The following IGSF22 variants were observed in gnomAD, a reference collection of about 807,000 sequenced individuals.
IGSF22 encodes immunoglobulin superfamily, member 22.
A neutral mutation model predicts 127.0 loss-of-function variants in IGSF22; 119 were observed. That is an observed-to-expected ratio of 0.94 (90% CI 0.81 to 1.09). The LOEUF (loss-of-function observed/expected upper bound fraction) is 1.09, where lower values mean the gene tolerates loss of function less well. IGSF22 is among the 50% of genes least tolerant of loss of function. IGSF22 has a pLI of 0.00. For missense variants in IGSF22, 1,518 were observed against 1,716.6 expected, an observed-to-expected ratio of 0.88 and a Z score of 2.04; for synonymous variants, 568 against 664.7, an observed-to-expected ratio of 0.85 and a Z score of 2.24.
At chr11:18,722,153 G>C in intron 2 of IGSF22, 112 bp from the exon 3 acceptor site, 1 of 1,298,502 alleles carries the variant, frequency 7.7e-7, no homozygotes, top group Admixed American at 1.8e-5. Context: ...AGAGCATTTA[G>C]GGAAGTGGGA....
At position 18,709,669 on chromosome 11, in the gene IGSF22, C is replaced by A. The variant is rs1281410099; in HGVS notation, c.2716G>T (p.Val906Phe). 6.2e-7 allele frequency: 1 copy of A among 1,613,876 alleles called. No individual in the cohort carries two copies. The highest frequency in any genetic ancestry group is 1.7e-4 in the Middle Eastern group (1 of 6,060). The change falls in exon 18 of 23, where the codon GTC becomes TTC. Residue 906 changes from valine to phenylalanine, a missense_variant. Transcript: ENST00000513874. This position sits in a 1 kb window ranked among gnomAD's most constrained non-coding sequence, Gnocchi z 4.8. ...GAATCAGATACATGCAGGTCCTGGA[C>A]CAGGCCTGGGGGTTCTGGGGTAGAA... Reference protein sequence around the residue: ...AKDPVKPPGLVQDLHVSDSSN... With the variant: ...AKDPVKPPGLFQDLHVSDSSN...
intron 20 of IGSF22, among the ~76,000 whole-genome samples, 163 bp downstream of exon 20, chr11:18,707,641 C>T (rs1026029929): frequency 6.6e-6 from 1 of 152,138 alleles, no homozygotes; most frequent in East Asian, 1.9e-4. Context: ...CTCTCTCTGC[C>T]GACCATACTC....
At chr11:18,715,389 G>A in intron 11 of IGSF22, 43 bp downstream of exon 11, 2 of 1,571,808 alleles carry the variant, frequency 1.3e-6, no homozygotes, top group Non-Finnish European at 1.7e-6. Flanking sequence ...GAATGCCAGG[G>A]TCAGGGGGAT....
intron 21 of IGSF22, chr11:18,706,460 C>T (rs1367964022): frequency 8.9e-6 from 4 of 450,934 alleles, no homozygotes; most frequent in Non-Finnish European, 8.0e-6. Context: ...TTTAACTCCG[C>T]CTCCAAGCTT....
rs2063593570 is a variant in IGSF22 at position 18,718,156 on chromosome 11, C to G, written c.811-63G>C. 3 of 1,527,610 alleles carry G rather than the reference C, an allele frequency of 2.0e-6. No individual in the cohort carries two copies. The African/African-American group carries it at 4.1e-5, about 21-fold the overall frequency. 94.6% of individuals were successfully genotyped at this position (1,527,610 alleles called of 1,614,324 possible). A position where few individuals can be genotyped will look rare whatever the true frequency, so the allele number is the denominator to read the frequency against. On this transcript the variant is annotated intron_variant, in intron 8 of 22. Coordinates refer to ENST00000513874, the MANE Select transcript of IGSF22 (RefSeq NM_173588.4). ...TTTAGGAGGAAGCTTCCAGAGGTCT[C>G]CATTCCCCAGCGCCAGCCTAAGCTG...
rs371511434 is a variant in IGSF22 at position 18,715,660 on chromosome 11, G to T, written c.1303C>A (p.Arg435Ser). The T allele has an allele frequency of 6.2e-7, 1 of 1,613,744 alleles. No homozygotes were observed. Among genetic ancestry groups the T allele is most frequent in the South Asian group, 1.1e-5 (1 of 91,070 alleles). The change falls in exon 11 of 23, where the codon CGC becomes AGC. Residue 435 changes from arginine (R) to serine (S), a missense_variant. Physicochemically the swap from Arg to Ser is moderately radical, Grantham distance 110 (BLOSUM62 -1). Transcript: ENST00000513874. ...GTCAGCTCACACTCCAGGCATGCGC[G>T]ACTCCTCTCTTTCACACGTACATTT... Reference protein sequence around the residue: ...LKNVRVKERSRACLECELTSK... With the variant: ...LKNVRVKERSSACLECELTSK...
Position 18,707,977 on chromosome 11 carries a change from A to G in IGSF22, c.3107T>C (p.Val1036Ala). 1 of 1,614,050 alleles carries G rather than the reference A, an allele frequency of 6.2e-7. No homozygotes were observed. Among genetic ancestry groups the G allele is most frequent in the Non-Finnish European group, 8.5e-7 (1 of 1,179,960 alleles). ...AAFSGSPPPD[V>A]IWQKDGVPTK... ...GGGAACGCCATCTTTCTGCCAGATC[A>G]CGTCAGGTGGTGGTGAGCCCTGAGT... Residue 1036 changes from valine (V) to alanine (A), a missense_variant, in exon 20 of 23, where the codon GTG becomes GCG. Val to Ala is a moderately conservative substitution (Grantham distance 64). Coordinates refer to ENST00000513874, the MANE Select transcript of IGSF22 (RefSeq NM_173588.4).
At position 18,705,954 on chromosome 11, in the gene IGSF22, T is replaced by C. The variant is rs1590432604; in HGVS notation, c.3773A>G (p.Lys1258Arg). 1 of 1,551,750 alleles carries C rather than the reference T, an allele frequency of 6.4e-7. No homozygotes were observed. The highest frequency in any genetic ancestry group is 1.2e-5 in the South Asian group (1 of 84,064). ...GCCGCTGGTGGAGTTGTACCAGAAC[T>C]TGGAGTTGGCCGTGATGTTGACGTC... is the stretch of plus-strand genomic sequence containing the variant. ...KGDVNITANSKFWYNSTSGVC... is the reference protein window; with the variant it reads ...KGDVNITANSRFWYNSTSGVC... Residue 1258 changes from lysine to arginine, a missense_variant, in exon 22 of 23, where the codon AAG becomes AGG. Lys to Arg is a conservative substitution (Grantham distance 26). This residue lies in a region of IGSF22 where 1,456 missense variants were observed against 1,644.9 expected (regional missense o/e 0.89). Transcript: ENST00000513874.
Position 18,710,744 on chromosome 11 carries a change from T to G in IGSF22, c.2483A>C (p.Asp828Ala), listed in dbSNP as rs759329865. 9 of 1,614,056 alleles carry G rather than the reference T, an allele frequency of 5.6e-6. No homozygotes were observed. The highest frequency in any genetic ancestry group is 2.7e-5 in the African/African-American group (2 of 74,930). ...GTAGCCGAGCACTGGGGCTCCCCCA[T>G]CCTGGGTAGGGGCATTCCACGTGAT... ...VTITWNAPTQ[D>A]GGAPVLGYIV... Residue 828 changes from aspartate to alanine, a missense_variant, in exon 16 of 23, where the codon GAT becomes GCT. Physicochemically the swap from Asp to Ala is moderately radical, Grantham distance 126. Transcript: ENST00000513874.
chr11:18,724,578 C>T (rs541361819), intron 1 of IGSF22, among the ~76,000 whole-genome samples: 3 of 152,264 alleles, frequency 2.0e-5, no homozygotes, highest in East Asian at 3.9e-4. Flanking sequence ...TTGATAGCTA[C>T]ATGGCACTAA....
In IGSF22 at chr11:18,705,928, C is replaced by A. The variant is rs1015975738; in HGVS notation, c.3799G>T (p.Val1267Leu). 6.4e-7 allele frequency: 1 copy of A among 1,551,734 alleles called. No homozygotes were observed. Among genetic ancestry groups the A allele is most frequent in the Non-Finnish European group, 8.7e-7 (1 of 1,146,994 alleles). ...CAGGTGGGGATGACGAGGGTGCACACGCCGCTGGTGGAGTTGTACCAGAAC... is the reference window on the plus strand; with the variant it reads ...CAGGTGGGGATGACGAGGGTGCACAAGCCGCTGGTGGAGTTGTACCAGAAC... ...SKFWYNSTSG[V>L]CTLVIPTCTL... Residue 1267 changes from valine to leucine, a missense_variant, in exon 22 of 23, where the codon GTG becomes TTG. By Grantham distance (32) the Val-to-Leu change is conservative (BLOSUM62 1). Transcript: ENST00000513874.
Position 18,714,344 on chromosome 11 carries a change from A to G in IGSF22, c.1731T>C (p.Pro577=), listed in dbSNP as rs376923694. The G allele has an allele frequency of 9.0e-5, 145 of 1,614,092 alleles. No homozygotes were observed. Among genetic ancestry groups the G allele is most frequent in the Admixed American group, 8.7e-4 (52 of 60,012 alleles). Residue 577 remains proline, a synonymous_variant, in exon 13 of 23, where the codon CCT becomes CCC. Transcript: ENST00000513874. ...VHKLIFPSMG[P]EHEGKYTFRA... The stretch of plus-strand genomic sequence containing the variant: ...GGAATGTGTACTTGCCCTCGTGCTC[A>G]GGGCCCATACTGGGAAAGATGAGCT...
At chr11:18,722,920 G>A (rs561849520) in intron 2 of IGSF22, among the ~76,000 whole-genome samples, 1 of 152,354 alleles carries the variant, frequency 6.6e-6, no homozygotes, top group East Asian at 1.9e-4. Context: ...GCCTGCAGAT[G>A]TCTTTTATGT....
At position 18,720,107 on chromosome 11, in the gene IGSF22, A is replaced by G; in HGVS notation, c.479-4T>C. On this transcript the variant is annotated splice_polypyrimidine_tract_variant and splice_region_variant and intron_variant, in intron 5 of 22. Coordinates refer to ENST00000513874, the MANE Select transcript of IGSF22 (RefSeq NM_173588.4). ...TTGAAGTCCATTTTCTCTTGACCTG[A>G]GGATAGACAGAGGGACAGGTTCAGA... The G allele has an allele frequency of 6.2e-7, 1 of 1,614,132 alleles. No homozygotes were observed. The highest frequency in any genetic ancestry group is 8.5e-7 in the Non-Finnish European group (1 of 1,180,012).
chr11:18,710,546 T>C, intron 16 of IGSF22, 91 bp from the exon 17 acceptor site: 1 of 1,588,118 alleles, frequency 6.3e-7, no homozygotes, highest in Non-Finnish European at 8.6e-7. Flanking sequence ...TCATGGGATG[T>C]TGTTAAAACT....
Position 18,709,619 on chromosome 11 carries a change from G to A in IGSF22, c.2766C>T (p.Ala922=), listed in dbSNP as rs1250375719. 6.2e-7 allele frequency: 1 copy of A among 1,614,068 alleles called. No individual in the cohort carries two copies. Among genetic ancestry groups the A allele is most frequent in the Non-Finnish European group, 8.5e-7 (1 of 1,180,054 alleles). ...GGTCTCCCTCTGCAGGCTCCCGCCAGGCCAGGGAAATGCTGGAGTTGGAGG... is the reference window on the plus strand; with the variant it reads ...GGTCTCCCTCTGCAGGCTCCCGCCAAGCCAGGGAAATGCTGGAGTTGGAGG... The part of the protein sequence containing the change: ...SDSSNSSISL[A]WREPAEGDPP... The change falls in exon 18 of 23, where the codon GCC becomes GCT. Residue 922 remains alanine, a synonymous_variant. Transcript: ENST00000513874. This position sits in a 1 kb window ranked among gnomAD's most constrained non-coding sequence, Gnocchi z 4.8.
In IGSF22 at chr11:18,716,853, T is replaced by G. The variant is rs1848472118; in HGVS notation, c.1121A>C (p.Glu374Ala). ...CAGACCATCTTCGGACACCGTGATTTCATACTTGTCATCCCTCTTCAGCTC... is the reference window on the plus strand; with the variant it reads ...CAGACCATCTTCGGACACCGTGATTGCATACTTGTCATCCCTCTTCAGCTC... The part of the protein sequence containing the change: ...GKELKRDDKY[E>A]ITVSEDGLTH... Residue 374 changes from glutamate (E) to alanine (A), a missense_variant, in exon 10 of 23, where the codon GAA becomes GCA. By Grantham distance (107) the Glu-to-Ala change is moderately radical. Coordinates refer to ENST00000513874, the MANE Select transcript of IGSF22 (RefSeq NM_173588.4). The surrounding 1 kb of genome is among the most constrained non-coding windows in gnomAD (Gnocchi z 4.5). The G allele has an allele frequency of 6.2e-7, 1 of 1,614,204 alleles. No homozygotes were observed. Among genetic ancestry groups the G allele is most frequent in the East Asian group, 2.2e-5 (1 of 44,882 alleles).
chr11:18,707,058 C>T lies in IGSF22; in HGVS notation c.3436G>A (p.Ala1146Thr). 6.4e-7 allele frequency: 1 copy of T among 1,551,734 alleles called. No homozygotes were observed. Among genetic ancestry groups the T allele is most frequent in the East Asian group, 2.4e-5 (1 of 40,926 alleles). Reference protein sequence around the residue: ...DASTATWYTAAERVFSNKYTV... With the variant: ...DASTATWYTATERVFSNKYTV... Reference sequence around the variant, plus strand: ...TACTTGTTGCTGAAGACACGCTCGGCTGCCGTGTACCAGGTGGCTGTGCTT... The same window carrying T: ...TACTTGTTGCTGAAGACACGCTCGGTTGCCGTGTACCAGGTGGCTGTGCTT... Residue 1146 changes from alanine to threonine, a missense_variant, in exon 21 of 23, where the codon GCC becomes ACC. Physicochemically the swap from Ala to Thr is moderately conservative, Grantham distance 58. Coordinates refer to ENST00000513874, the MANE Select transcript of IGSF22 (RefSeq NM_173588.4).
At position 18,709,476 on chromosome 11, in the gene IGSF22, T is replaced by A. The variant is rs1209298010; in HGVS notation, c.2909A>T (p.Lys970Ile). The A allele has an allele frequency of 6.2e-7, 1 of 1,614,116 alleles. No homozygotes were observed. The highest frequency in any genetic ancestry group is 2.2e-5 in the East Asian group (1 of 44,870). Residue 970 changes from lysine (K) to isoleucine (I), a missense_variant, in exon 18 of 23, where the codon AAA becomes ATA. Physicochemically the swap from Lys to Ile is moderately radical, Grantham distance 102 (BLOSUM62 -3). Coordinates refer to ENST00000513874, the MANE Select transcript of IGSF22 (RefSeq NM_173588.4). This position sits in a 1 kb window ranked among gnomAD's most constrained non-coding sequence, Gnocchi z 4.8. ...YTVGGLIERQ[K>I]YFFRIRAVNE... ...CACAGCCCGGATTCGGAAGAAGTAT[T>A]TCTGCCTCTCGATGAGTCCTCCCAC...
Sources: allele counts gnomAD v4.1 joint callset (sites outside exome capture counted in the v4.1 genomes callset), GRCh38; gene constraint gnomAD v4.1.1; regional missense constraint gnomAD v4.1.1; non-coding constraint Gnocchi (gnomAD v3.1); transcripts MANE v1.5; gene names NCBI Gene and HGNC (gene_info 2026-07-23, HGNC 2026-07-21).